The following NACC2 variants were observed in gnomAD, a reference collection of about 807,000 sequenced individuals.
NACC2 encodes NACC family member 2.
NACC2 carries 8 observed loss-of-function variants against 25.1 expected under a neutral mutation model. The observed-to-expected ratio is 0.32, with a 90% CI of 0.19 to 0.57. The LOEUF is 0.57. Among genes scored for constraint, NACC2 ranks in the 20% least tolerant of loss-of-function variants. NACC2 has a pLI of 0.89. For synonymous variants in NACC2, 435 were observed against 294.7 expected (o/e 1.48, Z -4.88); for missense variants, 644 against 650.2 (o/e 0.99, Z 0.10).
intron 1 of NACC2, among the ~76,000 whole-genome samples, chr9:136,060,198 G>T (rs78938811): frequency 0.018 from 2,680 of 152,336 alleles, 82 homozygotes; most frequent in African/African-American, 0.061. Context: ...GTCCTCGTGC[G>T]CCAGTGTGAG....
At chr9:136,024,013 C>T (rs957582485) in intron 2 of NACC2, among the ~76,000 whole-genome samples, 1 of 152,230 alleles carries the variant, frequency 6.6e-6, no homozygotes, top group Non-Finnish European at 1.5e-5. Flanking sequence ...GGGATGTGTG[C>T]CAGCTGTGAG....
At chr9:136,046,464 G>A (rs1588569955) in intron 2 of NACC2, among the ~76,000 whole-genome samples, 1 of 152,354 alleles carries the variant, frequency 6.6e-6, no homozygotes, top group African/African-American at 2.4e-5. Flanking sequence ...CTGCCGCAGG[G>A]GTGATGGCTT....
At chr9:136,016,453 T>C in intron 2 of NACC2, 24 bp from the exon 3 acceptor site, 1 of 1,610,020 alleles carries the variant, frequency 6.2e-7, no homozygotes, top group Non-Finnish European at 8.5e-7. Flanking sequence ...ACCAACCTGG[T>C]CAGATGGGCA....
intron 3 of NACC2, among the ~76,000 whole-genome samples, chr9:136,015,644 G>C (rs946570844): frequency 3.3e-5 from 5 of 152,180 alleles, no homozygotes; most frequent in Non-Finnish European, 5.9e-5. Flanking sequence ...AGCGCCTGAG[G>C]GCCCAAGCTT....
chr9:136,082,242 C>T (rs1223339978), intron 1 of NACC2, among the ~76,000 whole-genome samples: 1 of 152,232 alleles, frequency 6.6e-6, no homozygotes, highest in African/African-American at 2.4e-5. Context: ...ATCGGTGTGG[C>T]CACGCCACGG....
chr9:136,036,508 CACACAT>C (rs1367666861), intron 2 of NACC2, among the ~76,000 whole-genome samples: 10 of 152,094 alleles, frequency 6.6e-5, no homozygotes, highest in Admixed American at 2.6e-4. Flanking sequence ...CATATATATA[CACACAT>C]ACACATACAT....
chr9:136,015,476 G>A (rs12349022), intron 3 of NACC2, among the ~76,000 whole-genome samples: 4,151 of 152,312 alleles, frequency 0.027, 208 homozygotes, highest in African/African-American at 0.096. Flanking sequence ...CAGCTGGAAG[G>A]CGAGGCCAGC....
At chr9:136,072,763 C>G (rs1168270414) in intron 1 of NACC2, among the ~76,000 whole-genome samples, 1 of 151,840 alleles carries the variant, frequency 6.6e-6, no homozygotes, top group Non-Finnish European at 1.5e-5. Flanking sequence ...GGCAGGAGAA[C>G]CACTTGAACT....
chr9:136,050,311 C>T lies in NACC2; in HGVS notation c.211G>A (p.Gly71Ser), dbSNP rs942399309. 2.7e-6 allele frequency: 2 copies of T among 740,558 alleles called. No individual in the cohort carries two copies. Among genetic ancestry groups the T allele is most frequent in the Non-Finnish European group, 5.0e-6 (2 of 402,492 alleles). 45.9% of individuals were successfully genotyped at this position (740,558 alleles called of 1,614,324 possible). A position where few individuals can be genotyped will look rare whatever the true frequency, so the allele number is the denominator to read the frequency against. The stretch of plus-strand genomic sequence containing the variant: ...TGGAAGCAGGCGGGCGGCACGGAGC[C>T]GGGCAGCTCGAAGGCGCTCTTGCTG... Reference protein sequence around the residue: ...GNSKSAFELPGSVPPACFQQI... With the variant: ...GNSKSAFELPSSVPPACFQQI... Residue 71 changes from glycine to serine, a missense_variant, in exon 2 of 6, where the codon GGC becomes AGC. Coordinates refer to ENST00000277554, the MANE Select transcript of NACC2 (RefSeq NM_144653.5).
At chr9:136,070,542 A>G (rs1033487607) in intron 1 of NACC2, among the ~76,000 whole-genome samples, 2 of 151,854 alleles carry the variant, frequency 1.3e-5, no homozygotes, top group African/African-American at 4.9e-5. Flanking sequence ...AGAAAAATAC[A>G]ACATACCAAA....
chr9:136,091,947 C>T (rs1005307078), intron 1 of NACC2, among the ~76,000 whole-genome samples: 2 of 152,222 alleles, frequency 1.3e-5, no homozygotes, highest in Admixed American at 6.5e-5. Flanking sequence ...GGTAACCTCG[C>T]TCCCCGGCCC....
chr9:136,051,052 C>A (rs576158139), intron 1 of NACC2, among the ~76,000 whole-genome samples: 4,685 of 152,278 alleles, frequency 0.031, 264 homozygotes, highest in African/African-American at 0.11. Flanking sequence ...GGAGGGGGGT[C>A]TCTGGAGCTG....
At chr9:136,029,239 C>G (rs969647675) in intron 2 of NACC2, among the ~76,000 whole-genome samples, 3 of 152,166 alleles carry the variant, frequency 2.0e-5, no homozygotes, top group Non-Finnish European at 2.9e-5. Context: ...CCAGACTCAG[C>G]CAGACAACAG....
At chr9:136,060,775 C>G (rs1034464625) in intron 1 of NACC2, among the ~76,000 whole-genome samples, 1 of 152,234 alleles carries the variant, frequency 6.6e-6, no homozygotes. Flanking sequence ...TGGGCACGTC[C>G]CCACCAGCCT....
chr9:136,039,184 C>CA (rs923042216), intron 2 of NACC2, among the ~76,000 whole-genome samples: 4 of 152,168 alleles, frequency 2.6e-5, no homozygotes, highest in African/African-American at 9.7e-5. Flanking sequence ...ATGGTGATAT[C>CA]AAAGTGACTT....
chr9:136,057,145 G>C (rs1241585754), intron 1 of NACC2, among the ~76,000 whole-genome samples: 1 of 152,232 alleles, frequency 6.6e-6, no homozygotes. Context: ...CGTTGGCTCT[G>C]CCGGGGGTCT....
rs4841905 is a variant in NACC2, at chr9:136,020,203, C to A, written c.887-3774G>T. Among the ~76,000 whole-genome samples, 2 of 152,022 alleles carry A rather than the reference C, an allele frequency of 1.3e-5. No homozygotes were observed. Among genetic ancestry groups the A allele is most frequent in the Non-Finnish European group, 2.9e-5 (2 of 67,994 alleles). Reference sequence around the variant, plus strand: ...CGCTCAGAAAGAACAAATGAACGAACGTCAGAAGGAGGGGGCCATGCAGGT... The same window carrying A: ...CGCTCAGAAAGAACAAATGAACGAAAGTCAGAAGGAGGGGGCCATGCAGGT... On this transcript the variant is annotated intron_variant, in intron 2 of 5. Transcript: ENST00000277554. The surrounding 1 kb of genome is among the most constrained non-coding windows in gnomAD (Gnocchi z 4.7).
At chr9:136,028,183 C>T (rs1364642808) in intron 2 of NACC2, among the ~76,000 whole-genome samples, 4 of 149,808 alleles carry the variant, frequency 2.7e-5, no homozygotes, top group African/African-American at 4.9e-5. Context: ...GCCACTCCAG[C>T]CTGAGTGACA....
At chr9:136,066,518 TAA>T (rs990620935) in intron 1 of NACC2, among the ~76,000 whole-genome samples, 1 of 152,120 alleles carries the variant, frequency 6.6e-6, no homozygotes, top group Non-Finnish European at 1.5e-5. Context: ...GGTGGAAATG[TAA>T]AGAGATGTAG....
Sources: gnomAD v4.1 joint callset for allele counts (sites outside exome capture counted in the v4.1 genomes callset) on GRCh38, gnomAD v4.1.1 for gene constraint, Gnocchi (gnomAD v3.1) non-coding constraint, MANE v1.5 for transcripts, NCBI Gene and HGNC (gene_info 2026-07-23, HGNC 2026-07-21) for gene names.